FAM204A: variants seen among roughly 807,000 people sequenced by gnomAD.
FAM204A encodes the protein family with sequence similarity 204 member A.
A neutral mutation model predicts 35.4 loss-of-function variants in FAM204A; 16 were observed. The ratio of observed to expected loss-of-function variants is 0.45; its 90% CI spans 0.31 to 0.69. The LOEUF (loss-of-function observed/expected upper bound fraction) is 0.69, where lower values mean the gene tolerates loss of function less well. Ranked by LOEUF, FAM204A falls within the 30% of genes least tolerant of loss-of-function variation. The probability of loss-of-function intolerance (pLI) is 0.07; values close to 1 mark genes in which losing one functional copy is unlikely to be tolerated. For missense variants in FAM204A, 240 were observed against 265.7 expected, an observed-to-expected ratio of 0.90 and a Z score of 0.67; for synonymous variants, 76 against 86.9, an observed-to-expected ratio of 0.88 and a Z score of 0.70.
At chr10:118,327,595 G>A (rs1221384582) in intron 6 of FAM204A, among the ~76,000 whole-genome samples, 1 of 152,088 alleles carries the variant, frequency 6.6e-6, no homozygotes, top group Non-Finnish European at 1.5e-5. Flanking sequence ...CATTTCTGCA[G>A]AACTCTTCTC....
intron 2 of FAM204A, among the ~76,000 whole-genome samples, chr10:118,340,578 G>GATAA (rs1168644661): frequency 4.8e-4 from 73 of 152,294 alleles, no homozygotes; most frequent in Non-Finnish European, 1.5e-4. Flanking sequence ...GTATCCAGTA[G>GATAA]ATAAGGTTTC....
chr10:118,334,719 C>T (rs1346809919), intron 6 of FAM204A, among the ~76,000 whole-genome samples: 1 of 152,198 alleles, frequency 6.6e-6, no homozygotes, highest in Admixed American at 6.5e-5. Flanking sequence ...CCTCGCTGAC[C>T]CCATTCCAGC....
rs1031907636 is a variant in FAM204A, at chr10:118,308,005, A to T, written c.*2852T>A. 1 of 152,218 alleles carries T rather than the reference A, an allele frequency of 6.6e-6. No homozygotes were observed. The highest frequency in any genetic ancestry group is 1.9e-4 in the East Asian group (1 of 5,188). The allele number at this position is 152,218 out of a possible 1,614,324, so 9.4% of individuals were successfully genotyped here. A position where few individuals can be genotyped will look rare whatever the true frequency, so the allele number is the denominator to read the frequency against. ...CAGAACTAATTATAGCAAACCTAAG[A>T]TTATATATTCAATCTCTCCTTTCGG... On this transcript the variant is annotated 3_prime_UTR_variant, in exon 9 of 9. Transcript: ENST00000369183.
At chr10:118,336,145 C>T in intron 3 of FAM204A, 37 bp downstream of exon 3, 1 of 1,596,050 alleles carries the variant, frequency 6.3e-7, no homozygotes, top group Non-Finnish European at 8.5e-7. Context: ...TGTGCACACA[C>T]ACAGGCTGTA....
intron 6 of FAM204A, among the ~76,000 whole-genome samples, chr10:118,334,565 C>T (rs1846349358): frequency 6.6e-6 from 1 of 152,198 alleles, no homozygotes; most frequent in South Asian, 2.1e-4. Context: ...TAACATAGGT[C>T]ATGTCATTCC....
intron 6 of FAM204A, among the ~76,000 whole-genome samples, chr10:118,332,171 C>CGGAAAAAAAAAA (rs1564762443): frequency 3.2e-3 from 5 of 1,586 alleles, no homozygotes; most frequent in African/African-American, 3.7e-3. Context: ...GACTCTGTTT[C>CGGAAAAAAAAAA]AGAAAAAAAA....
At chr10:118,317,412 T>C (rs1846048776) in intron 7 of FAM204A, among the ~76,000 whole-genome samples, 1 of 152,054 alleles carries the variant, frequency 6.6e-6, no homozygotes, top group Non-Finnish European at 1.5e-5. Context: ...ATCTGAAATC[T>C]TTTTTTAAGG....
rs1331375434 is a variant in FAM204A at position 118,304,198 on chromosome 10, C to G, written c.*6659G>C. The G allele has an allele frequency of 6.6e-6, 1 of 152,218 alleles. No homozygotes were observed. The highest frequency in any genetic ancestry group is 1.5e-5 in the Non-Finnish European group (1 of 68,052). The allele number at this position is 152,218 out of a possible 1,614,324, so 9.4% of individuals were successfully genotyped here. ...ACCTTTCAAGACCTCTTTCATCGAC[C>G]TATTTCTGCAACCTCCCTCCCTTCT... On this transcript the variant is annotated 3_prime_UTR_variant, in exon 9 of 9. Transcript: ENST00000369183.
At position 118,298,371 on chromosome 10, in the gene FAM204A, AT is replaced by A. The variant is rs1306998838; in HGVS notation, c.*12485del. 8 of 152,228 alleles carry A rather than the reference AT, an allele frequency of 5.3e-5. No homozygotes were observed. Among genetic ancestry groups the A allele is most frequent in the Admixed American group, 3.3e-4 (5 of 15,280 alleles). The allele number at this position is 152,228 out of a possible 1,614,324, so 9.4% of individuals were successfully genotyped here. ...TCAGTGTCCTCTTGTTGTAAAAGTC[AT>A]TAGGTATGTTTAAAATCCGAATGCG... is the stretch of plus-strand genomic sequence containing the variant. On this transcript the variant is annotated 3_prime_UTR_variant, in exon 9 of 9. Coordinates refer to ENST00000369183, the MANE Select transcript of FAM204A (RefSeq NM_022063.3).
rs1417812403 is a variant in FAM204A, at chr10:118,306,082, C to T, written c.*4775G>A. 1 of 152,190 alleles carries T rather than the reference C, an allele frequency of 6.6e-6. No homozygotes were observed. The highest frequency in any genetic ancestry group is 1.5e-5 in the Non-Finnish European group (1 of 68,046). The allele number at this position is 152,190 out of a possible 1,614,324, so 9.4% of individuals were successfully genotyped here. On this transcript the variant is annotated 3_prime_UTR_variant, in exon 9 of 9. Transcript: ENST00000369183. ...ACAGCTTGCACTGTAGCTGTTGGTTCCTAAGGCTTTAAATTCAATGAACAA... is the reference window on the plus strand; with the variant it reads ...ACAGCTTGCACTGTAGCTGTTGGTTTCTAAGGCTTTAAATTCAATGAACAA...
At chr10:118,316,945 A>G (rs960628695) in intron 7 of FAM204A, among the ~76,000 whole-genome samples, 2 of 152,094 alleles carry the variant, frequency 1.3e-5, no homozygotes, top group East Asian at 1.9e-4. Flanking sequence ...TATGCCATTC[A>G]TAAGGGGAAA....
At chr10:118,340,307 A>G (rs1436839211) in intron 2 of FAM204A, among the ~76,000 whole-genome samples, 1 of 152,230 alleles carries the variant, frequency 6.6e-6, no homozygotes, top group Non-Finnish European at 1.5e-5. Context: ...TGCACTGGTT[A>G]CAGGGGGAAA....
rs1275955213 is a variant in FAM204A at position 118,308,948 on chromosome 10, A to C, written c.*1909T>G. The C allele has an allele frequency of 3.9e-5, 6 of 152,256 alleles. No homozygotes were observed. Among genetic ancestry groups the C allele is most frequent in the African/African-American group, 9.6e-5 (4 of 41,538 alleles). The allele number at this position is 152,256 out of a possible 1,614,324, so 9.4% of individuals were successfully genotyped here. A position where few individuals can be genotyped will look rare whatever the true frequency, so the allele number is the denominator to read the frequency against. On this transcript the variant is annotated 3_prime_UTR_variant, in exon 9 of 9. Coordinates refer to ENST00000369183, the MANE Select transcript of FAM204A (RefSeq NM_022063.3). ...CCATATCGGGGCCCCAAGTGTGAGA[A>C]TATCTATACCACTCGCCTGCTCAAA... is the stretch of plus-strand genomic sequence containing the variant.
chr10:118,311,351 A>G (rs1178595077), intron 7 of FAM204A, 38 bp from the exon 8 acceptor site: 2 of 1,488,622 alleles, frequency 1.3e-6, no homozygotes, highest in East Asian at 2.3e-5. Flanking sequence ...GTGAAAATAA[A>G]TATTCCAGCT....
intron 7 of FAM204A, among the ~76,000 whole-genome samples, chr10:118,321,644 C>T (rs1318212884): frequency 3.0e-5 from 4 of 133,226 alleles, no homozygotes; most frequent in Admixed American, 9.0e-5. Flanking sequence ...AAAAGTGTGA[C>T]AGGAAATAGC....
intron 7 of FAM204A, chr10:118,322,274 A>G: frequency 2.2e-6 from 1 of 451,828 alleles, no homozygotes; most frequent in Non-Finnish European, 4.5e-6. Context: ...AGAAACAATA[A>G]CATCACAGTG....
chr10:118,333,917 C>T (rs1846331244), intron 6 of FAM204A, among the ~76,000 whole-genome samples: 1 of 152,096 alleles, frequency 6.6e-6, no homozygotes, highest in Non-Finnish European at 1.5e-5. Context: ...TGACAAAGGT[C>T]TCTAGGTACA....
At chr10:118,324,695 G>A (rs1040607971) in intron 7 of FAM204A, among the ~76,000 whole-genome samples, 3 of 152,108 alleles carry the variant, frequency 2.0e-5, no homozygotes, top group Non-Finnish European at 4.4e-5. Context: ...GGGGAGAATG[G>A]GTACAGAGGT....
Position 118,334,253 on chromosome 10 carries a change from C to T in FAM204A, c.453+861G>A, listed in dbSNP as rs184363848. ...TCCCACTCTCAATCCTTTCCCTTCCCCAAATTTCTCTTCGTAACATCACTA... is the reference window on the plus strand; with the variant it reads ...TCCCACTCTCAATCCTTTCCCTTCCTCAAATTTCTCTTCGTAACATCACTA... On this transcript the variant is annotated intron_variant, in intron 6 of 8. Transcript: ENST00000369183. 2.6e-5 allele frequency among the ~76,000 whole-genome samples: 4 copies of T among 152,250 alleles called. No individual in the cohort carries two copies. The South Asian group carries it at 8.3e-4, about 32-fold the overall frequency.
Sources: gnomAD v4.1 joint callset for allele counts (sites outside exome capture counted in the v4.1 genomes callset) on GRCh38, gnomAD v4.1.1 for gene constraint, MANE v1.5 for transcripts, NCBI Gene and HGNC (gene_info 2026-07-23, HGNC 2026-07-21) for gene names.